Variants in BSPRY observed in about 807,000 individuals in gnomAD.
BSPRY encodes the protein B box and SPRY domain-containing protein.
BSPRY carries 33 observed loss-of-function variants against 38.0 expected under a neutral mutation model. The ratio of observed to expected loss-of-function variants is 0.87; its 90% CI spans 0.66 to 1.16. BSPRY has a LOEUF of 1.16. Among genes scored for constraint, BSPRY ranks in the 50% most tolerant of loss-of-function variants. The pLI is 0.00. For missense variants in BSPRY, 523 were observed against 533.2 expected, an observed-to-expected ratio of 0.98 and a Z score of 0.19; for synonymous variants, 224 against 228.5, an observed-to-expected ratio of 0.98 and a Z score of 0.18.
In BSPRY at chr9:113,349,624, G is replaced by A; in HGVS notation, c.45G>A (p.Gly15=). Residue 15 remains glycine, a synonymous_variant, in exon 1 of 6, where the codon GGG becomes GGA. Coordinates refer to ENST00000374183, the MANE Select transcript of BSPRY (RefSeq NM_017688.3). ...AGCCGGGGCCGGGGTCCGGGTCCGG[G>A]CCCGGGCCGGGGCCACTCTGCCCCG... The part of the protein sequence containing the change: ...GAEPGPGSGS[G]PGPGPLCPEH... 1 of 1,204,720 alleles carries A rather than the reference G, an allele frequency of 8.3e-7. No individual in the cohort carries two copies. Among genetic ancestry groups the A allele is most frequent in the Non-Finnish European group, 1.0e-6 (1 of 970,016 alleles). The allele number at this position is 1,204,720 out of a possible 1,614,324, so 74.6% of individuals were successfully genotyped here. A position where few individuals can be genotyped will look rare whatever the true frequency, so the allele number is the denominator to read the frequency against.
intron 2 of BSPRY, among the ~76,000 whole-genome samples, chr9:113,360,034 T>C (rs1588064711): frequency 6.6e-6 from 1 of 152,208 alleles, no homozygotes; most frequent in African/African-American, 2.4e-5. Flanking sequence ...CATAACCAGT[T>C]GAAATGGACA....
chr9:113,350,109 C>A (rs1319796099), intron 1 of BSPRY, among the ~76,000 whole-genome samples: 2 of 152,102 alleles, frequency 1.3e-5, no homozygotes, highest in East Asian at 3.9e-4. Flanking sequence ...AAATGCTTAG[C>A]GATAAGGGGA....
intron 1 of BSPRY, among the ~76,000 whole-genome samples, chr9:113,351,535 G>A (rs1406757016): frequency 6.6e-6 from 1 of 152,116 alleles, no homozygotes; most frequent in Non-Finnish European, 1.5e-5. Context: ...TTGGACCTAT[G>A]AAATGTAACT....
intron 4 of BSPRY, among the ~76,000 whole-genome samples, chr9:113,365,112 CATG>C (rs1414591263): frequency 1.3e-5 from 2 of 152,176 alleles, no homozygotes; most frequent in Middle Eastern, 3.2e-3. Context: ...TCTGGGGGCA[CATG>C]ATGTCCCTTT....
At chr9:113,367,244 T>C (rs1405053369) in intron 4 of BSPRY, among the ~76,000 whole-genome samples, 2 of 152,172 alleles carry the variant, frequency 1.3e-5, no homozygotes, top group Non-Finnish European at 2.9e-5. Context: ...AGTTGAGGTA[T>C]GATTCTGTAG....
In BSPRY at chr9:113,364,334, C is replaced by T. The variant is rs556179277; in HGVS notation, c.557+1940C>T. The stretch of plus-strand genomic sequence containing the variant: ...AGTTTGTGAAATATTGCAGTGTAGA[C>T]GGATCATATTTATTTTACTGTCTCC... On this transcript the variant is annotated intron_variant, in intron 4 of 5. Transcript: ENST00000374183. Among the ~76,000 whole-genome samples, 6 of 152,206 alleles carry T rather than the reference C, an allele frequency of 3.9e-5. No homozygotes were observed. The South Asian group carries it at 8.3e-4, about 21-fold the overall frequency.
intron 2 of BSPRY, among the ~76,000 whole-genome samples, chr9:113,354,749 G>C (rs964776156): frequency 5.9e-5 from 9 of 152,192 alleles, no homozygotes; most frequent in Non-Finnish European, 1.3e-4. Flanking sequence ...GGTTAAAGAG[G>C]TTAACTGACC....
chr9:113,362,174 G>GGGGTGTGTGT (rs1554734197), intron 3 of BSPRY, among the ~76,000 whole-genome samples, 195 bp from the exon 4 acceptor site: 15 of 141,344 alleles, frequency 1.1e-4, no homozygotes, highest in African/African-American at 4.0e-4. Flanking sequence ...ATGTGTTATG[G>GGGGTGTGTGT]GTGTGTGTGT....
chr9:113,357,153 A>G (rs1464214267), intron 2 of BSPRY, among the ~76,000 whole-genome samples: 1 of 152,196 alleles, frequency 6.6e-6, no homozygotes, highest in African/African-American at 2.4e-5. Flanking sequence ...GGGGACCAAG[A>G]AATCAGCTAA....
intron 4 of BSPRY, 127 bp from the exon 5 acceptor site, chr9:113,368,132 C>T: frequency 1.6e-6 from 2 of 1,216,660 alleles, no homozygotes; most frequent in South Asian, 2.8e-5. Flanking sequence ...CTGCACCTGG[C>T]CCTAGCTGCC....
chr9:113,355,731 C>T (rs1834047359), intron 2 of BSPRY, among the ~76,000 whole-genome samples: 1 of 151,850 alleles, frequency 6.6e-6, no homozygotes, highest in Admixed American at 6.6e-5. Flanking sequence ...TCTCCTGCTT[C>T]AGCCTCCCGT....
chr9:113,356,503 C>A (rs1220007574), intron 2 of BSPRY, among the ~76,000 whole-genome samples: 7 of 148,748 alleles, frequency 4.7e-5, no homozygotes, highest in African/African-American at 1.2e-4. Flanking sequence ...GACTCTGTCT[C>A]AAAAAAAAAA....
At chr9:113,369,593 A>T (rs3827661) in intron 5 of BSPRY, 23 bp from the exon 6 acceptor site, 1 of 1,585,728 alleles carries the variant, frequency 6.3e-7, no homozygotes, top group East Asian at 2.2e-5. Flanking sequence ...GCCCTCGGCA[A>T]CTCTGAGAAT....
At position 113,369,639 on chromosome 9, in the gene BSPRY, G is replaced by A; in HGVS notation, c.706G>A (p.Glu236Lys). The A allele has an allele frequency of 1.9e-6, 3 of 1,613,696 alleles. No homozygotes were observed. In the African/African-American group the frequency reaches 4.0e-5, roughly 22 times the overall value. Residue 236 changes from glutamate to lysine, a missense_variant, in exon 6 of 6, where the codon GAG becomes AAG. Transcript: ENST00000374183. ...LSGTEDIRID[E>K]RTVSPFLQLS... ...AGGCACAGAGGACATACGGATCGAT[G>A]AGAGGACAGTCAGCCCCTTCCTGCA... is the stretch of plus-strand genomic sequence containing the variant.
chr9:113,354,483 T>G, intron 2 of BSPRY, 145 bp downstream of exon 2: 1 of 658,916 alleles, frequency 1.5e-6, no homozygotes, highest in African/African-American at 1.8e-5. Context: ...GAGACTCAAT[T>G]TTACCATCTG....
At chr9:113,351,628 C>T (rs1359882690) in intron 1 of BSPRY, among the ~76,000 whole-genome samples, 4 of 152,056 alleles carry the variant, frequency 2.6e-5, no homozygotes, top group Admixed American at 2.6e-4. Flanking sequence ...GGAACTGAGG[C>T]AGAACTCTTA....
chr9:113,362,466 C>T, intron 4 of BSPRY, 72 bp downstream of exon 4: 1 of 1,493,298 alleles, frequency 6.7e-7, no homozygotes, highest in East Asian at 2.3e-5. Flanking sequence ...CCACTGCCTT[C>T]AGCCCTGCTG....
In BSPRY at chr9:113,368,346, C is replaced by T. The variant is rs1834285162; in HGVS notation, c.645C>T (p.Thr215=). 6.2e-7 allele frequency: 1 copy of T among 1,614,004 alleles called. No homozygotes were observed. The highest frequency in any genetic ancestry group is 1.7e-5 in the Admixed American group (1 of 59,992). ...NEKCTRSPLL[T]QLWATAVLGS... is the part of the protein sequence containing the mutation. ...AGTGCACTCGGAGCCCACTACTGACCCAACTCTGGGCAACGGCGGTTCTTG... is the reference window on the plus strand; with the variant it reads ...AGTGCACTCGGAGCCCACTACTGACTCAACTCTGGGCAACGGCGGTTCTTG... The change falls in exon 5 of 6, where the codon ACC becomes ACT. Residue 215 remains threonine, a synonymous_variant. Coordinates refer to ENST00000374183, the MANE Select transcript of BSPRY (RefSeq NM_017688.3).
intron 5 of BSPRY, among the ~76,000 whole-genome samples, chr9:113,368,913 C>T (rs556859629): frequency 4.4e-4 from 67 of 152,268 alleles, no homozygotes; most frequent in Admixed American, 3.9e-3. Context: ...CAGGCCTCCT[C>T]CAAGTTAGAT....
Sources: allele counts gnomAD v4.1 joint callset (sites outside exome capture counted in the v4.1 genomes callset), GRCh38; gene constraint gnomAD v4.1.1; transcripts MANE v1.5; gene names NCBI Gene and HGNC (gene_info 2026-07-23, HGNC 2026-07-21).